Variants in ISM2 observed in about 807,000 individuals in gnomAD.
ISM2 encodes isthmin 2, also known as isthmin-2.
Under a neutral mutation model 58.0 loss-of-function variants are expected in ISM2, and 50 were observed. The observed-to-expected ratio is 0.86, with a 90% confidence interval of 0.69 to 1.09. The LOEUF (loss-of-function observed/expected upper bound fraction) is 1.09. ISM2 is among the 50% of genes least tolerant of loss of function. The pLI is 0.00. For missense variants in ISM2, 723 were observed against 745.0 expected (o/e 0.97, Z 0.34); for synonymous variants, 303 against 312.4 (o/e 0.97, Z 0.32).
intron 1 of ISM2, among the ~76,000 whole-genome samples, chr14:77,495,423 C>T (rs910515390): frequency 6.6e-6 from 1 of 152,158 alleles, no homozygotes; most frequent in Admixed American, 6.5e-5. Context: ...ATTTGGCAAA[C>T]ATGCTAAAAA....
intron 1 of ISM2, among the ~76,000 whole-genome samples, chr14:77,495,536 T>C (rs774212527): frequency 1.3e-5 from 2 of 152,172 alleles, no homozygotes; most frequent in African/African-American, 4.8e-5. Flanking sequence ...GTCATCTCCA[T>C]GTAGGAGGAG....
In ISM2 at chr14:77,487,498, C is replaced by A. The variant is rs115554385; in HGVS notation, c.142-2579G>T. ...TCCTTTCCAGACCTCTCTACCCACT[C>A]CTCTCCCTGGTGCCCAGTCAGACCA... On this transcript the variant is annotated intron_variant, in intron 1 of 6. Transcript: ENST00000342219. 9.0e-3 allele frequency among the ~76,000 whole-genome samples: 1,363 copies of A among 152,274 alleles called. 18 individuals carry two copies. The highest frequency in any genetic ancestry group is 0.031 in the African/African-American group (1,275 of 41,556).
intron 1 of ISM2, among the ~76,000 whole-genome samples, chr14:77,488,693 C>A (rs181464510): frequency 6.6e-6 from 1 of 152,158 alleles, no homozygotes; most frequent in Non-Finnish European, 1.5e-5. Context: ...ATGCAATGAA[C>A]GTTACCCAGA....
rs1046096277 is a variant in ISM2, at chr14:77,482,562, G to A, written c.733C>T (p.Leu245Phe). Residue 245 changes from leucine to phenylalanine, a missense_variant, in exon 4 of 7, where the codon CTC becomes TTC. Physicochemically the swap from Leu to Phe is conservative, Grantham distance 22 (BLOSUM62 0). Transcript: ENST00000342219. The stretch of plus-strand genomic sequence containing the variant: ...TAGTCTCCCCAGAGGAAGGACCAGA[G>A]GGCGGGCAGCCAGCTAAGGGTATCC... ...PQDTLSWLPA[L>F]WSFLWGDYKG... The A allele has an allele frequency of 6.2e-7, 1 of 1,614,000 alleles. No individual in the cohort carries two copies. The highest frequency in any genetic ancestry group is 1.3e-5 in the African/African-American group (1 of 75,042).
intron 1 of ISM2, among the ~76,000 whole-genome samples, chr14:77,495,066 G>A (rs546414819): frequency 9.3e-4 from 141 of 151,804 alleles, no homozygotes; most frequent in Non-Finnish European, 1.3e-3. Context: ...TGTATTTTTT[G>A]GGGGGTAGAG....
In ISM2 at chr14:77,498,516, C is replaced by T. The variant is rs748214614; in HGVS notation, c.141+137G>A. 2.4e-5 allele frequency: 31 copies of T among 1,297,422 alleles called. No individual in the cohort carries two copies. In the South Asian group the frequency reaches 3.7e-4, roughly 16 times the overall value. The allele number at this position is 1,297,422 out of a possible 1,614,324, so 80.4% of individuals were successfully genotyped here. Reference sequence around the variant, plus strand: ...ACGCCCGGTGTCCGGGAGCTTCCGGCCGGCCCCGGCCCCTCTCTCCATCGG... The same window carrying T: ...ACGCCCGGTGTCCGGGAGCTTCCGGTCGGCCCCGGCCCCTCTCTCCATCGG... On this transcript the variant is annotated intron_variant, in intron 1 of 6. Coordinates refer to ENST00000342219, the MANE Select transcript of ISM2 (RefSeq NM_199296.3).
Position 77,475,357 on chromosome 14 carries a change from T to G in ISM2, c.*238A>C. The G allele has an allele frequency of 2.5e-6, 1 of 407,634 alleles. No individual in the cohort carries two copies. The highest frequency in any genetic ancestry group is 2.0e-5 in the African/African-American group (1 of 49,028). 25.3% of individuals were successfully genotyped at this position (407,634 alleles called of 1,614,324 possible). On this transcript the variant is annotated 3_prime_UTR_variant, in exon 7 of 7. Transcript: ENST00000342219. This position sits in a 1 kb window ranked among gnomAD's most constrained non-coding sequence, Gnocchi z 4.1. The stretch of plus-strand genomic sequence containing the variant: ...CGGCAGACACATGCACATATGCACA[T>G]TTCCAGGGCTCCCAGGGACACCCAC...
In ISM2 at chr14:77,475,622, TG is replaced by T; in HGVS notation, c.1688del (p.Ala563AspfsTer49). The T allele has an allele frequency of 6.2e-7, 1 of 1,602,764 alleles. No individual in the cohort carries two copies. Among genetic ancestry groups the T allele is most frequent in the Non-Finnish European group, 8.5e-7 (1 of 1,173,902 alleles). ...AGTACTCCTTGGCCTCCTGCAACTG[TG>T]CTAGGTACTCCTCCTCCAGGGGGTT... ...TDNPLEEEYL[A>X]QLQEAKEY On this transcript the variant is annotated frameshift_variant, in exon 7 of 7. Transcript: ENST00000342219. LOFTEE classifies it high-confidence loss of function. This position sits in a 1 kb window ranked among gnomAD's most constrained non-coding sequence, Gnocchi z 4.1.
At chr14:77,490,470 A>G (rs1219707056) in intron 1 of ISM2, among the ~76,000 whole-genome samples, 1 of 152,250 alleles carries the variant, frequency 6.6e-6, no homozygotes, top group Admixed American at 6.5e-5. Flanking sequence ...AGGTGTGAGC[A>G]TCATCTTCAC....
intron 1 of ISM2, among the ~76,000 whole-genome samples, chr14:77,492,506 T>A (rs1032671946): frequency 7.0e-6 from 1 of 142,898 alleles, no homozygotes; most frequent in African/African-American, 2.6e-5. Context: ...CTCAACAAAC[T>A]GGCCCCAGCC....
intron 1 of ISM2, among the ~76,000 whole-genome samples, chr14:77,485,519 A>T (rs2079162494): frequency 6.6e-6 from 1 of 152,264 alleles, no homozygotes; most frequent in African/African-American, 2.4e-5. Context: ...ATCCCTGCCA[A>T]CAGCCACTGG....
intron 3 of ISM2, among the ~76,000 whole-genome samples, chr14:77,483,356 G>A (rs959161455): frequency 4.6e-5 from 7 of 152,016 alleles, no homozygotes; most frequent in Non-Finnish European, 7.4e-5. Context: ...TCAAGAGTTC[G>A]AGACCAGCCT....
intron 4 of ISM2, among the ~76,000 whole-genome samples, chr14:77,479,722 C>T (rs1170991129): frequency 6.6e-6 from 1 of 152,040 alleles, no homozygotes; most frequent in Non-Finnish European, 1.5e-5. Context: ...ACCATGTTGG[C>T]CAGGCTGGTC....
intron 1 of ISM2, among the ~76,000 whole-genome samples, chr14:77,497,975 G>A (rs1372759819): frequency 6.6e-6 from 1 of 152,122 alleles, no homozygotes; most frequent in East Asian, 1.9e-4. Context: ...TGTCCCCATG[G>A]GAATGAACGT....
chr14:77,477,287 C>A (rs889459303), intron 6 of ISM2, among the ~76,000 whole-genome samples: 2 of 152,172 alleles, frequency 1.3e-5, no homozygotes, highest in Non-Finnish European at 2.9e-5. Context: ...TCTTGTTTCT[C>A]ATTTTCCCTT....
intron 1 of ISM2, among the ~76,000 whole-genome samples, chr14:77,485,125 G>A (rs577153007): frequency 6.6e-6 from 1 of 152,356 alleles, no homozygotes; most frequent in South Asian, 2.1e-4. Flanking sequence ...AAGTGAGGGT[G>A]TAGCTGGTCA....
chr14:77,480,525 C>T (rs1456578812), intron 4 of ISM2, among the ~76,000 whole-genome samples: 2 of 144,106 alleles, frequency 1.4e-5, no homozygotes, highest in South Asian at 2.2e-4. Flanking sequence ...GGGAGAAAAG[C>T]TGAAAAACAC....
intron 1 of ISM2, among the ~76,000 whole-genome samples, chr14:77,490,009 G>A (rs544590614): frequency 7.5e-4 from 114 of 152,294 alleles, no homozygotes; most frequent in African/African-American, 2.4e-3. Context: ...GACTACAGGC[G>A]CCCGCCACCA....
At chr14:77,478,364 G>C (rs757184024) in intron 5 of ISM2, 39 bp from the exon 6 acceptor site, 25 of 1,573,426 alleles carry the variant, frequency 1.6e-5, no homozygotes, top group Non-Finnish European at 7.9e-6. Context: ...GGCTCCGCAG[G>C]CCACCTCAGT....
Sources: gnomAD v4.1 joint callset for allele counts (sites outside exome capture counted in the v4.1 genomes callset) on GRCh38, gnomAD v4.1.1 for gene constraint, Gnocchi (gnomAD v3.1) non-coding constraint, MANE v1.5 for transcripts, NCBI Gene and HGNC (gene_info 2026-07-23, HGNC 2026-07-21) for gene names.